The following ASTN1 variants were observed in gnomAD, a reference collection of about 807,000 sequenced individuals.
ASTN1 encodes the protein astrotactin-1.
Under a neutral mutation model 140.7 loss-of-function variants are expected in ASTN1, and 41 were observed. The ratio of observed to expected loss-of-function variants is 0.29; its 90% CI spans 0.23 to 0.38. The LOEUF is 0.38. Among genes scored for constraint, ASTN1 ranks in the 10% least tolerant of loss-of-function variants. The pLI is 1.00. For missense variants in ASTN1, 1,479 were observed against 1,678.8 expected, an observed-to-expected ratio of 0.88 and a Z score of 2.08; for synonymous variants, 640 against 652.2, an observed-to-expected ratio of 0.98 and a Z score of 0.29.
chr1:176,968,604 C>T (rs1012770592), intron 8 of ASTN1, among the ~76,000 whole-genome samples: 3 of 152,196 alleles, frequency 2.0e-5, no homozygotes, highest in Non-Finnish European at 4.4e-5. Flanking sequence ...AGCAAAATTG[C>T]ACCAGCAAAG....
intron 1 of ASTN1, among the ~76,000 whole-genome samples, chr1:177,126,089 G>C (rs887108402): frequency 2.6e-5 from 4 of 152,130 alleles, no homozygotes; most frequent in African/African-American, 4.8e-5. Flanking sequence ...CCACCTATTT[G>C]GTTATTCTTG....
chr1:177,115,721 C>T lies in ASTN1; in HGVS notation c.283+48673G>A, dbSNP rs1282867172. On this transcript the variant is annotated intron_variant, in intron 1 of 22. Coordinates refer to ENST00000361833, the MANE Select transcript of ASTN1 (RefSeq NM_004319.3). ...AAATGTCATGAAAATAATGTATGCTCATTGTTTAAAACTTGGCAAGTATAT... is the reference window on the plus strand; with the variant it reads ...AAATGTCATGAAAATAATGTATGCTTATTGTTTAAAACTTGGCAAGTATAT... 2.6e-5 allele frequency among the ~76,000 whole-genome samples: 4 copies of T among 151,690 alleles called. No homozygotes were observed. In the East Asian group the frequency reaches 5.8e-4, roughly 22 times the overall value.
At chr1:176,935,519 A>G (rs528937091) in intron 15 of ASTN1, among the ~76,000 whole-genome samples, 47 of 152,328 alleles carry the variant, frequency 3.1e-4, no homozygotes, top group Non-Finnish European at 1.3e-4. Context: ...CCTGTGTCCT[A>G]TGAAAATGTG....
chr1:176,940,998 G>A (rs147239528), intron 14 of ASTN1, among the ~76,000 whole-genome samples: 1 of 152,146 alleles, frequency 6.6e-6, no homozygotes, highest in African/African-American at 2.4e-5. Context: ...TTTATGAATG[G>A]AGCTCTGACT....
intron 16 of ASTN1, among the ~76,000 whole-genome samples, chr1:176,913,795 G>GA (rs1349105778): frequency 3.3e-5 from 5 of 152,186 alleles, no homozygotes; most frequent in Non-Finnish European, 7.3e-5. Context: ...GTAGATAAGA[G>GA]AATGTTTTAC....
chr1:177,067,869 G>A (rs1443286787), intron 1 of ASTN1, among the ~76,000 whole-genome samples: 1 of 152,094 alleles, frequency 6.6e-6, no homozygotes, highest in Non-Finnish European at 1.5e-5. Flanking sequence ...GAAAAGTGAG[G>A]AAATGAGACT....
intron 16 of ASTN1, among the ~76,000 whole-genome samples, chr1:176,911,836 C>G (rs542177982): frequency 6.6e-6 from 1 of 152,208 alleles, no homozygotes; most frequent in African/African-American, 2.4e-5. Flanking sequence ...TCAGGTATTA[C>G]GTACTGTACA....
chr1:177,021,582 T>C (rs1008324505), intron 7 of ASTN1, among the ~76,000 whole-genome samples: 2 of 152,208 alleles, frequency 1.3e-5, no homozygotes, highest in Non-Finnish European at 2.9e-5. Flanking sequence ...TGTGGGACTT[T>C]GGGCAAATCG....
At chr1:176,907,509 C>T (rs1670052874) in intron 16 of ASTN1, among the ~76,000 whole-genome samples, 1 of 152,226 alleles carries the variant, frequency 6.6e-6, no homozygotes, top group African/African-American at 2.4e-5. Flanking sequence ...TATTACTTCA[C>T]AAGCACTTTG....
At position 177,043,628 on chromosome 1, in the gene ASTN1, C is replaced by T. The variant is rs375788036; in HGVS notation, c.472-10779G>A. On this transcript the variant is annotated intron_variant, in intron 2 of 22. Coordinates refer to ENST00000361833, the MANE Select transcript of ASTN1 (RefSeq NM_004319.3). ...AAAACCCTGGGAGAACAATGGGTAACCATGGTCTTATCCCTTGTACCATTC... is the reference window on the plus strand; with the variant it reads ...AAAACCCTGGGAGAACAATGGGTAATCATGGTCTTATCCCTTGTACCATTC... Among the ~76,000 whole-genome samples the T allele has an allele frequency of 7.2e-5, 11 of 152,346 alleles. No homozygotes were observed. In the South Asian group the frequency reaches 2.3e-3, roughly 32 times the overall value.
Position 177,023,584 on chromosome 1 carries a change from A to C in ASTN1, c.1271-13T>G. On this transcript the variant is annotated splice_polypyrimidine_tract_variant and intron_variant, in intron 6 of 22. Transcript: ENST00000361833. Reference sequence around the variant, plus strand: ...ATGAAGCGGCTCCCTGCAGGGTGAGAGAAAGGAAGCATGCCTATATGTGCA... The same window carrying C: ...ATGAAGCGGCTCCCTGCAGGGTGAGCGAAAGGAAGCATGCCTATATGTGCA... 6.4e-7 allele frequency: 1 copy of C among 1,566,260 alleles called. No individual in the cohort carries two copies. Among genetic ancestry groups the C allele is most frequent in the Non-Finnish European group, 8.6e-7 (1 of 1,161,478 alleles).
chr1:177,065,402 T>A (rs1678306032), intron 1 of ASTN1, among the ~76,000 whole-genome samples: 1 of 152,216 alleles, frequency 6.6e-6, no homozygotes, highest in Non-Finnish European at 1.5e-5. Context: ...CACACTATAT[T>A]TGCCACATTC....
At chr1:177,128,312 C>T (rs575925277) in intron 1 of ASTN1, among the ~76,000 whole-genome samples, 3 of 152,282 alleles carry the variant, frequency 2.0e-5, no homozygotes, top group South Asian at 4.1e-4. Context: ...ACAGACTCTA[C>T]GCCTAGTATT....
At chr1:176,985,461 A>C (rs1571606947) in intron 8 of ASTN1, among the ~76,000 whole-genome samples, 1 of 151,044 alleles carries the variant, frequency 6.6e-6, no homozygotes, top group Non-Finnish European at 1.5e-5. Flanking sequence ...CACCCCTCAC[A>C]CTCTTTGCAA....
chr1:176,890,428 A>G (rs898757740), intron 17 of ASTN1, among the ~76,000 whole-genome samples: 2 of 152,172 alleles, frequency 1.3e-5, no homozygotes, highest in African/African-American at 4.8e-5. Context: ...ATGGAACTTG[A>G]CTTCTAAAAT....
chr1:176,947,953 A>C (rs1672024497), intron 12 of ASTN1, among the ~76,000 whole-genome samples: 1 of 152,172 alleles, frequency 6.6e-6, no homozygotes, highest in African/African-American at 2.4e-5. Flanking sequence ...AAATGGGTCA[A>C]CCCTAATGAT....
chr1:176,998,959 C>A (rs1674590071), intron 8 of ASTN1, among the ~76,000 whole-genome samples: 1 of 152,170 alleles, frequency 6.6e-6, no homozygotes. Context: ...GAGGGGATAG[C>A]CTCACATAGT....
chr1:176,942,824 ATATATATAT>A (rs1671783059), intron 14 of ASTN1, among the ~76,000 whole-genome samples: 1 of 15,478 alleles, frequency 6.5e-5, no homozygotes, highest in Non-Finnish European at 1.6e-4. Flanking sequence ...GTGTGTGTAT[ATATATATAT>A]ATGTATATAT....
At chr1:177,019,636 A>G (rs1353166698) in intron 7 of ASTN1, among the ~76,000 whole-genome samples, 3 of 152,192 alleles carry the variant, frequency 2.0e-5, no homozygotes, top group Non-Finnish European at 4.4e-5. Context: ...AACAGTTGCT[A>G]GTGCTGAGTA....
Sources: allele counts gnomAD v4.1 joint callset (sites outside exome capture counted in the v4.1 genomes callset), GRCh38; gene constraint gnomAD v4.1.1; transcripts MANE v1.5; gene names NCBI Gene and HGNC (gene_info 2026-07-23, HGNC 2026-07-21).